Variants in TMTC1 observed in about 807,000 individuals in gnomAD.
TMTC1 encodes protein O-mannosyl-transferase TMTC1.
In TMTC1, 73 loss-of-function variants were observed where a neutral mutation model predicts 104.8. The ratio of observed to expected loss-of-function variants is 0.70; its 90% CI spans 0.58 to 0.85. TMTC1 has a LOEUF of 0.85. Among genes scored for constraint, TMTC1 ranks in the 40% least tolerant of loss-of-function variants. TMTC1 has a pLI of 0.00. For synonymous variants in TMTC1, 434 were observed against 428.7 expected (o/e 1.01, Z -0.15); for missense variants, 1,035 against 1,096.1 (o/e 0.94, Z 0.79).
rs986137529 is a variant in TMTC1, at chr12:29,541,128, A to T, written c.1677-4811T>A. ...CAAAAGGTGACAATATGATTCCCCC[A>T]TGTTACATTTTGTTTCTACAGTTCT... On this transcript the variant is annotated intron_variant, in intron 10 of 17. Coordinates refer to ENST00000539277, the MANE Select transcript of TMTC1 (RefSeq NM_001193451.2). Among the ~76,000 whole-genome samples, 3 of 152,162 alleles carry T rather than the reference A, an allele frequency of 2.0e-5. No homozygotes were observed. The East Asian group carries it at 5.8e-4, about 29-fold the overall frequency.
rs34859060 is a variant in TMTC1 at position 29,750,062 on chromosome 12, TACACACACAC to T, written c.938+1594_938+1603del. ...AAAGAAATGTTATCATAACTGTCTA[TACACACACAC>T]ACACACACACACACACACACACAAA... is the stretch of plus-strand genomic sequence containing the variant. On this transcript the variant is annotated intron_variant, in intron 5 of 17. Coordinates refer to ENST00000539277, the MANE Select transcript of TMTC1 (RefSeq NM_001193451.2). 3.3e-4 allele frequency among the ~76,000 whole-genome samples: 49 copies of T among 146,648 alleles called. No individual in the cohort carries two copies. In the East Asian group the frequency reaches 9.4e-3, roughly 28 times the overall value.
At chr12:29,574,534 T>A (rs560287985) in intron 8 of TMTC1, among the ~76,000 whole-genome samples, 1 of 152,324 alleles carries the variant, frequency 6.6e-6, no homozygotes, top group East Asian at 1.9e-4. Context: ...TTTATTGACA[T>A]TTATTTCTCA....
chr12:29,752,251 A>C (rs1943110186), intron 4 of TMTC1, among the ~76,000 whole-genome samples: 1 of 152,146 alleles, frequency 6.6e-6, no homozygotes, highest in African/African-American at 2.4e-5. Context: ...ATCTTGTAAG[A>C]TATTGCTCAT....
intron 6 of TMTC1, among the ~76,000 whole-genome samples, chr12:29,606,665 G>C (rs899582770): frequency 6.6e-6 from 1 of 152,130 alleles, no homozygotes; most frequent in African/African-American, 2.4e-5. Flanking sequence ...TAAGAGTGCA[G>C]GTATAAACAG....
chr12:29,595,684 G>A (rs1475729833), intron 7 of TMTC1, among the ~76,000 whole-genome samples: 1 of 152,146 alleles, frequency 6.6e-6, no homozygotes, highest in Non-Finnish European at 1.5e-5. Flanking sequence ...CGAGAGCAAA[G>A]GCACAGACAC....
intron 1 of TMTC1, among the ~76,000 whole-genome samples, chr12:29,779,719 C>T (rs144523080): frequency 0.014 from 2,069 of 152,136 alleles, 19 homozygotes; most frequent in Non-Finnish European, 0.021. Context: ...TGAGAAAGGT[C>T]CTGTGAGGAG....
At position 29,755,801 on chromosome 12, in the gene TMTC1, G is replaced by A. The variant is rs1943201805; in HGVS notation, c.639C>T (p.Thr213=). ...FFLLLSLFLG[T]CAMLVKETGI... is the part of the protein sequence containing the mutation. ...CTGTCTCTTTCACCAGCATCGCACA[G>A]GTCCCCAGAAACAAACTGAGCAGCA... The change falls in exon 4 of 18, where the codon ACC becomes ACT. Residue 213 remains threonine (T), a synonymous_variant. Transcript: ENST00000539277. 1 of 1,614,152 alleles carries A rather than the reference G, an allele frequency of 6.2e-7. No homozygotes were observed. The highest frequency in any genetic ancestry group is 2.2e-5 in the East Asian group (1 of 44,872).
intron 2 of TMTC1, among the ~76,000 whole-genome samples, chr12:29,767,502 G>A (rs1290546127): frequency 6.6e-6 from 1 of 152,150 alleles, no homozygotes; most frequent in East Asian, 1.9e-4. Context: ...TGTCTCGAAT[G>A]GCCCTTGCTG....
At chr12:29,732,388 C>T (rs1487229336) in intron 5 of TMTC1, among the ~76,000 whole-genome samples, 1 of 152,154 alleles carries the variant, frequency 6.6e-6, no homozygotes, top group African/African-American at 2.4e-5. Context: ...AGACATTTGG[C>T]TACAGTAAGC....
chr12:29,748,246 A>G (rs1943005551), intron 5 of TMTC1, among the ~76,000 whole-genome samples: 1 of 152,180 alleles, frequency 6.6e-6, no homozygotes, highest in African/African-American at 2.4e-5. Flanking sequence ...ACCTGAGGTT[A>G]AAAAGATGAA....
At chr12:29,543,202 T>A (rs2136221167) in intron 10 of TMTC1, among the ~76,000 whole-genome samples, 1 of 152,366 alleles carries the variant, frequency 6.6e-6, no homozygotes, top group African/African-American at 2.4e-5. Flanking sequence ...GGACTGTTTT[T>A]CCTGTGTGTT....
intron 5 of TMTC1, among the ~76,000 whole-genome samples, chr12:29,703,467 TCTAATACCAC>T (rs1205668665): frequency 6.6e-6 from 1 of 152,248 alleles, no homozygotes; most frequent in East Asian, 1.9e-4. Context: ...GTCAGTAGAC[TCTAATACCAC>T]CTGCGAAATA....
intron 6 of TMTC1, among the ~76,000 whole-genome samples, chr12:29,626,457 G>A (rs1937998606): frequency 6.6e-6 from 1 of 152,112 alleles, no homozygotes; most frequent in African/African-American, 2.4e-5. Flanking sequence ...TCTTAAGGAT[G>A]GTTATTTACA....
chr12:29,516,472 G>A lies in TMTC1; in HGVS notation c.2184C>T (p.Ala728=), dbSNP rs745561233. 2 of 1,613,344 alleles carry A rather than the reference G, an allele frequency of 1.2e-6. No individual in the cohort carries two copies. Among genetic ancestry groups the A allele is most frequent in the South Asian group, 1.1e-5 (1 of 91,026 alleles). Residue 728 remains alanine, a synonymous_variant, in exon 15 of 18, where the codon GCC becomes GCT. Transcript: ENST00000539277. ...ELRLALAQVL[A]VMGQTKEAEK... Reference sequence around the variant, plus strand: ...CAGCTTCTTTTGTCTGACCCATCACGGCCAAAACCTGAGCCTACAAAACCA... The same window carrying A: ...CAGCTTCTTTTGTCTGACCCATCACAGCCAAAACCTGAGCCTACAAAACCA...
At chr12:29,643,630 ATAT>A (rs1939013453) in intron 5 of TMTC1, among the ~76,000 whole-genome samples, 1 of 26,792 alleles carries the variant, frequency 3.7e-5, no homozygotes, top group Non-Finnish European at 6.1e-5. Flanking sequence ...TCTATATATT[ATAT>A]ATATAATATA....
intron 1 of TMTC1, among the ~76,000 whole-genome samples, chr12:29,779,240 G>A (rs181005800): frequency 6.6e-6 from 1 of 152,226 alleles, no homozygotes; most frequent in African/African-American, 2.4e-5. Flanking sequence ...CCAACATTCT[G>A]AATGTGATCT....
At chr12:29,723,992 T>C (rs1008828892) in intron 5 of TMTC1, among the ~76,000 whole-genome samples, 1 of 152,226 alleles carries the variant, frequency 6.6e-6, no homozygotes, top group African/African-American at 2.4e-5. Context: ...AACATTTTCA[T>C]GACCTCAAGA....
At position 29,572,007 on chromosome 12, in the gene TMTC1, A is replaced by C. The variant is rs1945691490; in HGVS notation, c.1532+98T>G. The C allele has an allele frequency of 2.6e-5, 24 of 940,228 alleles. No homozygotes were observed. The South Asian group carries it at 3.7e-4, about 14-fold the overall frequency. 58.2% of individuals were successfully genotyped at this position (940,228 alleles called of 1,614,324 possible). On this transcript the variant is annotated intron_variant, in intron 9 of 17. Coordinates refer to ENST00000539277, the MANE Select transcript of TMTC1 (RefSeq NM_001193451.2). ...CAAGGATCAGTTTACTGTCAAGAGA[A>C]ACAAACAAACTCCCTCTCCATATAC...
At chr12:29,597,776 T>C (rs1056281049) in intron 7 of TMTC1, among the ~76,000 whole-genome samples, 1 of 152,170 alleles carries the variant, frequency 6.6e-6, no homozygotes, top group Non-Finnish European at 1.5e-5. Context: ...AAAAATGTTC[T>C]ATTTCTAAAA....
Sources: allele counts gnomAD v4.1 joint callset (sites outside exome capture counted in the v4.1 genomes callset), GRCh38; gene constraint gnomAD v4.1.1; transcripts MANE v1.5; gene names NCBI Gene and HGNC (gene_info 2026-07-23, HGNC 2026-07-21).